The following MAP7 variants were observed in gnomAD, a reference collection of about 807,000 sequenced individuals.
The protein encoded by MAP7 is ensconsin.
MAP7 carries 52 observed loss-of-function variants against 94.8 expected under a neutral mutation model. The observed-to-expected ratio is 0.55, with a 90% confidence interval of 0.44 to 0.69. The LOEUF (loss-of-function observed/expected upper bound fraction) is 0.69. Among genes scored for constraint, MAP7 ranks in the 30% least tolerant of loss-of-function variants. MAP7 has a pLI of 0.00. For synonymous variants in MAP7, 350 were observed against 357.0 expected (o/e 0.98, Z 0.22); for missense variants, 940 against 964.6 (o/e 0.97, Z 0.34).
At chr6:136,406,638 T>TG (rs1785701091) in intron 3 of MAP7, among the ~76,000 whole-genome samples, 1 of 152,134 alleles carries the variant, frequency 6.6e-6, no homozygotes, top group Non-Finnish European at 1.5e-5. Flanking sequence ...CTCACCAACG[T>TG]GGCAAAATCC....
intron 1 of MAP7, among the ~76,000 whole-genome samples, chr6:136,538,002 G>A (rs1340687272): frequency 2.0e-5 from 3 of 152,116 alleles, no homozygotes; most frequent in African/African-American, 4.8e-5. Flanking sequence ...GGCTGGTCTC[G>A]AACTCCCGAC....
chr6:136,450,622 TA>T (rs1800807123), intron 1 of MAP7, among the ~76,000 whole-genome samples: 1 of 151,810 alleles, frequency 6.6e-6, no homozygotes, highest in African/African-American at 2.4e-5. Context: ...CCATCTTTAT[TA>T]AAAATACAAA....
chr6:136,421,411 A>G (rs1791312531), intron 2 of MAP7, among the ~76,000 whole-genome samples: 1 of 152,242 alleles, frequency 6.6e-6, no homozygotes, highest in African/African-American at 2.4e-5. Flanking sequence ...GCATCCACAT[A>G]CACCATCTCA....
chr6:136,531,212 C>T (rs1156583379), intron 1 of MAP7, among the ~76,000 whole-genome samples: 2 of 144,626 alleles, frequency 1.4e-5, no homozygotes, highest in African/African-American at 2.9e-5. Flanking sequence ...TCTCTTCTCA[C>T]GATAATTAGG....
intron 2 of MAP7, among the ~76,000 whole-genome samples, chr6:136,412,816 C>T (rs1477404200): frequency 1.3e-5 from 2 of 152,152 alleles, no homozygotes; most frequent in Non-Finnish European, 1.5e-5. Context: ...TAAAAATGAG[C>T]ATAATAATCA....
chr6:136,444,502 T>C (rs1404427849), intron 1 of MAP7, among the ~76,000 whole-genome samples: 1 of 152,252 alleles, frequency 6.6e-6, no homozygotes, highest in African/African-American at 2.4e-5. Flanking sequence ...AAGGCACTGA[T>C]GCTTCTTCAG....
chr6:136,546,798 C>T (rs1829772197), intron 1 of MAP7, among the ~76,000 whole-genome samples: 1 of 152,192 alleles, frequency 6.6e-6, no homozygotes, highest in Non-Finnish European at 1.5e-5. Flanking sequence ...AAAAATAACT[C>T]TTCCAAATGA....
At chr6:136,400,485 C>A (rs1186701082) in intron 3 of MAP7, among the ~76,000 whole-genome samples, 1 of 150,848 alleles carries the variant, frequency 6.6e-6, no homozygotes, top group Non-Finnish European at 1.5e-5. Flanking sequence ...AAAATCAAGC[C>A]TATTAAGACT....
intron 1 of MAP7, among the ~76,000 whole-genome samples, chr6:136,440,840 A>C (rs1797639643): frequency 1.3e-5 from 2 of 150,352 alleles, no homozygotes; most frequent in South Asian, 2.1e-4. Flanking sequence ...AAAAAAAAAA[A>C]CCCTCCCCTA....
chr6:136,361,247 G>A (rs1346239822), intron 11 of MAP7, 68 bp from the exon 12 acceptor site: 22 of 1,545,544 alleles, frequency 1.4e-5, no homozygotes, highest in Non-Finnish European at 1.8e-5. Flanking sequence ...AGAGGCCTCC[G>A]TCGGTGGTTC....
chr6:136,374,231 T>A (rs1775420342), intron 7 of MAP7, among the ~76,000 whole-genome samples: 1 of 152,212 alleles, frequency 6.6e-6, no homozygotes, highest in South Asian at 2.1e-4. Flanking sequence ...AAGGAAGGAT[T>A]TGTATTGTGA....
In MAP7 at chr6:136,344,208, T is replaced by C; in HGVS notation, c.*20A>G. On this transcript the variant is annotated 3_prime_UTR_variant, in exon 18 of 18. Coordinates refer to ENST00000354570, the MANE Select transcript of MAP7 (RefSeq NM_003980.6). ...AGAAATTCTCATTAAATTTCAGCTT[T>C]GGTTCTTCAGAAGAAACACTCATAT... 1.5e-6 allele frequency: 2 copies of C among 1,317,082 alleles called. No individual in the cohort carries two copies. Among genetic ancestry groups the C allele is most frequent in the Non-Finnish European group, 2.0e-6 (2 of 984,798 alleles). The allele number at this position is 1,317,082 out of a possible 1,614,324, so 81.6% of individuals were successfully genotyped here.
chr6:136,532,689 A>G (rs962866630), intron 1 of MAP7, among the ~76,000 whole-genome samples: 2 of 151,994 alleles, frequency 1.3e-5, no homozygotes, highest in African/African-American at 2.4e-5. Context: ...ATGCAAATGG[A>G]AAGTCGAGTT....
chr6:136,467,798 A>G (rs1440480323), intron 1 of MAP7, among the ~76,000 whole-genome samples: 2 of 152,140 alleles, frequency 1.3e-5, no homozygotes, highest in South Asian at 2.1e-4. Context: ...CAACCAATTA[A>G]CTTAATGAGT....
chr6:136,538,798 C>CAAAAAAAA (rs397836178), intron 1 of MAP7, among the ~76,000 whole-genome samples: 3 of 65,896 alleles, frequency 4.6e-5, no homozygotes, highest in Non-Finnish European at 8.7e-5. Flanking sequence ...GATTTTGTCT[C>CAAAAAAAA]AAAAAAAAAA....
intron 1 of MAP7, among the ~76,000 whole-genome samples, chr6:136,481,085 G>A (rs146585661): frequency 8.7e-4 from 132 of 152,226 alleles, no homozygotes; most frequent in African/African-American, 2.8e-3. Context: ...TCTCACCCCC[G>A]TTAAAATGGC....
intron 1 of MAP7, among the ~76,000 whole-genome samples, chr6:136,460,451 G>A (rs1804827738): frequency 6.6e-6 from 1 of 152,052 alleles, no homozygotes; most frequent in African/African-American, 2.4e-5. Flanking sequence ...TACACATGAA[G>A]CACTGTTTAT....
intron 1 of MAP7, among the ~76,000 whole-genome samples, chr6:136,431,522 T>TTATTTATC (rs1195102641): frequency 1.1e-4 from 16 of 145,424 alleles, no homozygotes; most frequent in Non-Finnish European, 2.4e-4. Flanking sequence ...ATTTATTTAT[T>TTATTTATC]TATTTAATTT....
At chr6:136,374,937 T>A (rs1350243662) in intron 7 of MAP7, among the ~76,000 whole-genome samples, 1 of 152,114 alleles carries the variant, frequency 6.6e-6, no homozygotes, top group Non-Finnish European at 1.5e-5. Flanking sequence ...TATAGTTATT[T>A]TTTCCCAGAG....
Sources: gnomAD v4.1 joint callset for allele counts (sites outside exome capture counted in the v4.1 genomes callset) on GRCh38, gnomAD v4.1.1 for gene constraint, MANE v1.5 for transcripts, NCBI Gene and HGNC (gene_info 2026-07-23, HGNC 2026-07-21) for gene names.